The following FLT1 variants were observed in gnomAD, a reference collection of about 807,000 sequenced individuals.
The protein encoded by FLT1 is fms related receptor tyrosine kinase 1.
A neutral mutation model predicts 156.3 loss-of-function variants in FLT1; 49 were observed. The ratio of observed to expected loss-of-function variants is 0.31; its 90% CI spans 0.25 to 0.40. FLT1 has a LOEUF of 0.40. FLT1 is among the 10% of genes least tolerant of loss of function. FLT1 has a pLI of 1.00. For missense variants in FLT1, 1,322 were observed against 1,637.2 expected, an observed-to-expected ratio of 0.81 and a Z score of 3.32; for synonymous variants, 594 against 583.8, an observed-to-expected ratio of 1.02 and a Z score of -0.25.
intron 2 of FLT1, 33 bp downstream of exon 2, chr13:28,467,488 C>T (rs1194197469): frequency 2.1e-6 from 3 of 1,416,268 alleles, no homozygotes; most frequent in Middle Eastern, 3.5e-4. Context: ...GGCATGGCAA[C>T]TAGATTATTC....
At chr13:28,409,105 A>G (rs1367511075) in intron 10 of FLT1, among the ~76,000 whole-genome samples, 1 of 152,216 alleles carries the variant, frequency 6.6e-6, no homozygotes. Context: ...GGAACTCCCC[A>G]TCTGGTCTAA....
rs1314034308 is a variant in FLT1 at position 28,466,918 on chromosome 13, A to G, written c.373T>C (p.Tyr125His). The G allele has an allele frequency of 1.2e-6, 2 of 1,606,534 alleles. No homozygotes were observed. The highest frequency in any genetic ancestry group is 1.1e-5 in the South Asian group (1 of 90,924). Residue 125 changes from tyrosine to histidine, a missense_variant, in exon 3 of 30, where the codon TAT becomes CAT. This residue lies in a region of FLT1 where 991 missense variants were observed against 1,254.8 expected (regional missense o/e 0.79). Coordinates refer to ENST00000282397, the MANE Select transcript of FLT1 (RefSeq NM_002019.4). ...GAAGTCTTACCACTAATAAATATAT[A>G]GATTGCAGATTCTGTTTCCTTCTTC... ...SKKKETESAI[Y>H]IFISDTGRPF...
intron 11 of FLT1, among the ~76,000 whole-genome samples, chr13:28,405,346 G>C (rs1309049030): frequency 6.6e-6 from 1 of 152,204 alleles, no homozygotes; most frequent in African/African-American, 2.4e-5. Flanking sequence ...TTAGCTCTAA[G>C]TCTTGCACTA....
At chr13:28,417,270 C>A (rs1269986986) in intron 10 of FLT1, among the ~76,000 whole-genome samples, 2 of 152,214 alleles carry the variant, frequency 1.3e-5, no homozygotes, top group Admixed American at 1.3e-4. Flanking sequence ...CAACCACATT[C>A]ATCTCTGGCA....
chr13:28,425,289 G>GA (rs199521125), intron 10 of FLT1, among the ~76,000 whole-genome samples: 1 of 151,884 alleles, frequency 6.6e-6, no homozygotes, highest in Non-Finnish European at 1.5e-5. Context: ...TGTAAGTAGT[G>GA]AAAAAAAATG....
chr13:28,347,943 C>T (rs1193692148), intron 15 of FLT1, among the ~76,000 whole-genome samples: 1 of 152,194 alleles, frequency 6.6e-6, no homozygotes, highest in Non-Finnish European at 1.5e-5. Context: ...CATGCTTAAC[C>T]ACGAAGCTTC....
intron 27 of FLT1, among the ~76,000 whole-genome samples, chr13:28,309,619 G>A (rs1327170615): frequency 1.3e-5 from 2 of 152,160 alleles, no homozygotes; most frequent in East Asian, 3.8e-4. Context: ...TTAAGGCTAA[G>A]CAGCCTTAGA....
intron 10 of FLT1, among the ~76,000 whole-genome samples, chr13:28,425,142 T>A (rs1218695402): frequency 6.6e-6 from 1 of 152,216 alleles, no homozygotes; most frequent in African/African-American, 2.4e-5. Context: ...ACTCAATTAG[T>A]ACCTGCTGAC....
intron 1 of FLT1, among the ~76,000 whole-genome samples, chr13:28,483,461 C>T (rs1840386958): frequency 6.6e-6 from 1 of 152,098 alleles, no homozygotes; most frequent in Non-Finnish European, 1.5e-5. Context: ...TCCATTTGAC[C>T]AAACGTTCCA....
At chr13:28,420,441 A>C (rs1333758430) in intron 10 of FLT1, among the ~76,000 whole-genome samples, 1 of 152,210 alleles carries the variant, frequency 6.6e-6, no homozygotes, top group Non-Finnish European at 1.5e-5. Context: ...CACACACTGC[A>C]TAGAATATAT....
intron 15 of FLT1, among the ~76,000 whole-genome samples, chr13:28,355,109 G>A (rs1872852534): frequency 6.6e-6 from 1 of 152,150 alleles, no homozygotes; most frequent in Admixed American, 6.6e-5. Context: ...AGTCCTTGCA[G>A]ACAACTTCCT....
intron 18 of FLT1, 112 bp downstream of exon 18, chr13:28,333,913 T>A (rs1872020232): frequency 1.2e-6 from 1 of 805,672 alleles, no homozygotes; most frequent in Non-Finnish European, 2.2e-6. Context: ...AAATTATGTG[T>A]CCAGAGCAGA....
At chr13:28,468,667 CT>C (rs1211751192) in intron 1 of FLT1, among the ~76,000 whole-genome samples, 3 of 152,052 alleles carry the variant, frequency 2.0e-5, no homozygotes, top group African/African-American at 7.2e-5. Flanking sequence ...TTGTTTAGAT[CT>C]GATTATCTGA....
intron 11 of FLT1, among the ~76,000 whole-genome samples, chr13:28,403,893 T>C (rs1332855218): frequency 2.6e-5 from 4 of 152,038 alleles, no homozygotes; most frequent in African/African-American, 2.4e-5. Context: ...AATACAAAAC[T>C]TAGCCAGGAG....
rs575608936 is a variant in FLT1, at chr13:28,480,991, G to C, written c.65-13374C>G. On this transcript the variant is annotated intron_variant, in intron 1 of 29. Transcript: ENST00000282397. ...CTTAACGTGTCCTTCCTTTTGGCAG[G>C]TCACCTAGCCAGTACCACACATGAC... Among the ~76,000 whole-genome samples the C allele has an allele frequency of 3.3e-4, 50 of 152,274 alleles. 1 individual carries two copies. The South Asian group carries it at 0.01, about 31-fold the overall frequency.
intron 1 of FLT1, among the ~76,000 whole-genome samples, chr13:28,476,726 T>A (rs760920154): frequency 6.6e-6 from 1 of 152,222 alleles, no homozygotes; most frequent in African/African-American, 2.4e-5. Context: ...ATTTATGTCT[T>A]GAATCCAGGT....
chr13:28,326,289 A>T (rs543382920), intron 20 of FLT1, among the ~76,000 whole-genome samples: 1 of 152,160 alleles, frequency 6.6e-6, no homozygotes, highest in Non-Finnish European at 1.5e-5. Context: ...CCCAGATTTC[A>T]TGAGAAGTAG....
At chr13:28,433,762 G>A (rs1408798236) in intron 6 of FLT1, 57 bp downstream of exon 6, 3 of 1,537,994 alleles carry the variant, frequency 2.0e-6, no homozygotes, top group Middle Eastern at 3.8e-4. Flanking sequence ...ACCCCTGCGG[G>A]ATTTCACTTG....
intron 14 of FLT1, among the ~76,000 whole-genome samples, chr13:28,365,922 A>G (rs1043609109): frequency 1.5e-4 from 23 of 152,226 alleles, no homozygotes; most frequent in African/African-American, 5.3e-4. Context: ...AGATGTCTTC[A>G]GGAGCCAGGC....
Sources: allele counts gnomAD v4.1 joint callset (sites outside exome capture counted in the v4.1 genomes callset), GRCh38; gene constraint gnomAD v4.1.1; regional missense constraint gnomAD v4.1.1; transcripts MANE v1.5; gene names NCBI Gene and HGNC (gene_info 2026-07-23, HGNC 2026-07-21).